GPC5: variants seen among roughly 807,000 people sequenced by gnomAD.
The protein encoded by GPC5 is glypican-5.
Under a neutral mutation model 53.9 loss-of-function variants are expected in GPC5, and 47 were observed. That is an observed-to-expected ratio of 0.87 (90% CI 0.69 to 1.11). The LOEUF (loss-of-function observed/expected upper bound fraction) is 1.11. Among genes scored for constraint, GPC5 ranks in the 50% most tolerant of loss-of-function variants. The pLI, the probability that GPC5 is intolerant of heterozygous loss-of-function variation, is 0.00. For missense variants in GPC5, 748 were observed against 713.1 expected (o/e 1.05, Z -0.56); for synonymous variants, 286 against 263.3 (o/e 1.09, Z -0.84).
chr13:92,257,971 T>A (rs1263265975), intron 7 of GPC5, among the ~76,000 whole-genome samples: 2 of 152,210 alleles, frequency 1.3e-5, no homozygotes, highest in Admixed American at 6.5e-5. Context: ...TTAAAAGGTA[T>A]AATTTTTTAA....
chr13:92,512,629 A>G (rs1051302589), intron 7 of GPC5, among the ~76,000 whole-genome samples: 1 of 152,278 alleles, frequency 6.6e-6, no homozygotes, highest in East Asian at 1.9e-4. Flanking sequence ...TCCCTATGCC[A>G]ATATCCAGTT....
chr13:92,643,386 C>T (rs1246947268), intron 7 of GPC5, among the ~76,000 whole-genome samples: 1 of 151,554 alleles, frequency 6.6e-6, no homozygotes, highest in Non-Finnish European at 1.5e-5. Flanking sequence ...GGTATATACC[C>T]AAATGACTAT....
intron 7 of GPC5, among the ~76,000 whole-genome samples, chr13:92,451,588 A>G (rs1211870433): frequency 6.6e-6 from 1 of 152,214 alleles, no homozygotes; most frequent in Non-Finnish European, 1.5e-5. Context: ...AGGAATATGT[A>G]TCCTAAATAA....
intron 7 of GPC5, among the ~76,000 whole-genome samples, chr13:92,520,780 G>C (rs953639133): frequency 3.3e-5 from 5 of 151,958 alleles, no homozygotes; most frequent in Admixed American, 1.3e-4. Flanking sequence ...GTTCTGGCCA[G>C]GCCAATCAAG....
chr13:92,025,799 C>A (rs1470717855), intron 6 of GPC5, among the ~76,000 whole-genome samples: 3 of 152,112 alleles, frequency 2.0e-5, no homozygotes, highest in Non-Finnish European at 4.4e-5. Flanking sequence ...CTTGATATTT[C>A]TGGTAATGCA....
At chr13:92,052,408 A>T (rs960154900) in intron 6 of GPC5, among the ~76,000 whole-genome samples, 1 of 152,156 alleles carries the variant, frequency 6.6e-6, no homozygotes, top group East Asian at 1.9e-4. Flanking sequence ...GCGAAAGAAC[A>T]AAGTGTCCAC....
chr13:91,963,640 G>A (rs1030136942), intron 6 of GPC5, among the ~76,000 whole-genome samples: 1 of 152,090 alleles, frequency 6.6e-6, no homozygotes, highest in Non-Finnish European at 1.5e-5. Flanking sequence ...TGTACAAAAT[G>A]CACAGTTTGC....
In GPC5 at chr13:92,812,801, T is replaced by C. The variant is rs1050388798; in HGVS notation, c.1562-53481T>C. Among the ~76,000 whole-genome samples, 4 of 151,978 alleles carry C rather than the reference T, an allele frequency of 2.6e-5. No individual in the cohort carries two copies. In the South Asian group the frequency reaches 8.3e-4, roughly 31 times the overall value. ...AACATACAAAACTCCATGATGTCTC[T>C]ATACACTTGTAATGAATGCCATGAG... On this transcript the variant is annotated intron_variant, in intron 7 of 7. Coordinates refer to ENST00000377067, the MANE Select transcript of GPC5 (RefSeq NM_004466.6).
intron 5 of GPC5, among the ~76,000 whole-genome samples, chr13:91,765,612 T>A (rs1355015157): frequency 6.6e-6 from 1 of 152,232 alleles, no homozygotes; most frequent in Non-Finnish European, 1.5e-5. Context: ...TTTCAGGGAC[T>A]TGGAATCTCA....
At chr13:92,804,370 T>G (rs1289951668) in intron 7 of GPC5, among the ~76,000 whole-genome samples, 1 of 152,020 alleles carries the variant, frequency 6.6e-6, no homozygotes, top group Non-Finnish European at 1.5e-5. Context: ...GGTTTGGTTC[T>G]AGACCACAAC....
chr13:91,619,825 AT>A (rs2033803884), intron 2 of GPC5, among the ~76,000 whole-genome samples: 1 of 152,090 alleles, frequency 6.6e-6, no homozygotes, highest in African/African-American at 2.4e-5. Context: ...AGTGGTGTGT[AT>A]TTAAATGTGT....
intron 7 of GPC5, among the ~76,000 whole-genome samples, chr13:92,586,966 GCACA>G (rs56052352): frequency 1.3e-5 from 2 of 150,670 alleles, no homozygotes. Flanking sequence ...ACACACACGC[GCACA>G]CACACACACG....
At chr13:91,678,993 CA>C (rs1215353462) in intron 2 of GPC5, among the ~76,000 whole-genome samples, 1 of 151,910 alleles carries the variant, frequency 6.6e-6, no homozygotes, top group African/African-American at 2.4e-5. Flanking sequence ...CTGGGGTAAA[CA>C]TTGTATTTTA....
intron 7 of GPC5, among the ~76,000 whole-genome samples, chr13:92,398,073 A>G (rs1400939322): frequency 6.6e-6 from 1 of 152,180 alleles, no homozygotes; most frequent in African/African-American, 2.4e-5. Context: ...GATTACCACC[A>G]TATTTTGATA....
chr13:92,722,284 ACT>A (rs1888527901), intron 7 of GPC5, among the ~76,000 whole-genome samples: 1 of 152,004 alleles, frequency 6.6e-6, no homozygotes, highest in South Asian at 2.1e-4. Context: ...ATAAGGTGCA[ACT>A]AGCCTTCATA....
chr13:91,944,034 A>G (rs1272834973), intron 6 of GPC5, among the ~76,000 whole-genome samples: 1 of 151,896 alleles, frequency 6.6e-6, no homozygotes, highest in African/African-American at 2.4e-5. Flanking sequence ...TACTTTCTCA[A>G]CTTCTCCTGA....
intron 7 of GPC5, among the ~76,000 whole-genome samples, chr13:92,588,747 G>A (rs753870946): frequency 6.6e-6 from 1 of 152,134 alleles, no homozygotes; most frequent in Non-Finnish European, 1.5e-5. Flanking sequence ...ATCTACAATA[G>A]CATGTTTTTT....
chr13:91,417,455 A>G (rs1049241563), intron 1 of GPC5, among the ~76,000 whole-genome samples: 3 of 152,198 alleles, frequency 2.0e-5, no homozygotes, highest in Non-Finnish European at 4.4e-5. Flanking sequence ...CAAGGAGTTT[A>G]TTCTGAACTC....
At chr13:92,298,926 A>T (rs541989368) in intron 7 of GPC5, among the ~76,000 whole-genome samples, 1 of 152,300 alleles carries the variant, frequency 6.6e-6, no homozygotes, top group East Asian at 1.9e-4. Context: ...AGGTGAAACA[A>T]TCCTTTTACT....
Sources: gnomAD v4.1 joint callset for allele counts (sites outside exome capture counted in the v4.1 genomes callset) on GRCh38, gnomAD v4.1.1 for gene constraint, MANE v1.5 for transcripts, NCBI Gene and HGNC (gene_info 2026-07-23, HGNC 2026-07-21) for gene names.